The following PCNX2 variants were observed in gnomAD, a reference collection of about 807,000 sequenced individuals.
PCNX2 encodes pecanex 2.
PCNX2 carries 168 observed loss-of-function variants against 223.8 expected under a neutral mutation model. The ratio of observed to expected loss-of-function variants is 0.75; its 90% CI spans 0.66 to 0.85. The LOEUF (loss-of-function observed/expected upper bound fraction) is 0.85, where lower values mean the gene tolerates loss of function less well. Ranked by LOEUF, PCNX2 falls within the 40% of genes least tolerant of loss-of-function variation. PCNX2 has a pLI of 0.00. For missense variants in PCNX2, 2,507 were observed against 2,675.5 expected, an observed-to-expected ratio of 0.94 and a Z score of 1.39; for synonymous variants, 1,006 against 1,052.6, an observed-to-expected ratio of 0.96 and a Z score of 0.86.
intron 26 of PCNX2, among the ~76,000 whole-genome samples, chr1:233,019,620 C>T (rs1480398559): frequency 1.3e-5 from 2 of 152,042 alleles, no homozygotes; most frequent in Non-Finnish European, 2.9e-5. Context: ...TGTGACTTAC[C>T]TACCCAGCAA....
At chr1:233,254,409 CTAAG>C (rs1659615027) in intron 5 of PCNX2, among the ~76,000 whole-genome samples, 2 of 152,204 alleles carry the variant, frequency 1.3e-5, no homozygotes, top group Admixed American at 6.5e-5. Context: ...CTGCTTTACA[CTAAG>C]TGTCTTTGAA....
intron 17 of PCNX2, among the ~76,000 whole-genome samples, chr1:233,161,934 TAAAG>T (rs1678504937): frequency 6.7e-6 from 1 of 149,280 alleles, no homozygotes; most frequent in South Asian, 2.1e-4. Context: ...ACTGGTGAAT[TAAAG>T]AAACCACTTC....
chr1:233,199,292 T>G (rs1321476946), intron 14 of PCNX2, among the ~76,000 whole-genome samples: 1 of 152,114 alleles, frequency 6.6e-6, no homozygotes, highest in Non-Finnish European at 1.5e-5. Flanking sequence ...TGTGTCAGAA[T>G]GAAGGTAGGG....
chr1:233,238,323 G>A (rs1480185831), intron 8 of PCNX2, among the ~76,000 whole-genome samples: 1 of 152,154 alleles, frequency 6.6e-6, no homozygotes, highest in African/African-American at 2.4e-5. Flanking sequence ...TCTTTTGGAT[G>A]TTTCTTTTTC....
rs1287171448 is a variant in PCNX2 at position 233,054,312 on chromosome 1, C to A, written c.4307G>T (p.Gly1436Val). 1.2e-6 allele frequency: 2 copies of A among 1,613,876 alleles called. No individual in the cohort carries two copies. The highest frequency in any genetic ancestry group is 1.7e-6 in the Non-Finnish European group (2 of 1,179,860). The change falls in exon 25 of 34, where the codon GGA becomes GTA. Residue 1436 changes from glycine to valine, a missense_variant. By Grantham distance (109) the Gly-to-Val change is moderately radical (BLOSUM62 -3). Coordinates refer to ENST00000258229, the MANE Select transcript of PCNX2 (RefSeq NM_014801.4). ...AAGTTGAAAGGTGACAAGACCATTTCCAATTTCAATCAGGTGAACAAAGGC... is the reference window on the plus strand; with the variant it reads ...AAGTTGAAAGGTGACAAGACCATTTACAATTTCAATCAGGTGAACAAAGGC... The part of the protein sequence containing the change: ...LNAFVHLIEI[G>V]NGLVTFQLRG...
chr1:233,277,099 A>G (rs1401367883), intron 1 of PCNX2, among the ~76,000 whole-genome samples: 6 of 152,198 alleles, frequency 3.9e-5, no homozygotes, highest in Non-Finnish European at 8.8e-5. Flanking sequence ...CAAAGGATAC[A>G]AATCAGCATT....
chr1:233,290,929 C>T (rs1326226343), intron 1 of PCNX2: 1 of 985,378 alleles, frequency 1.0e-6, no homozygotes, highest in East Asian at 1.1e-4. Flanking sequence ...TAATGTTGCC[C>T]GGCATGGGGT....
intron 23 of PCNX2, among the ~76,000 whole-genome samples, chr1:233,063,889 G>C (rs545401764): frequency 5.5e-4 from 84 of 151,934 alleles, no homozygotes; most frequent in Non-Finnish European, 5.9e-4. Context: ...TAGTTTAGCT[G>C]TGTTTAATTT....
Position 233,258,346 on chromosome 1 carries a change from C to T in PCNX2, c.1516G>A (p.Val506Met). 3 of 1,614,056 alleles carry T rather than the reference C, an allele frequency of 1.9e-6. No homozygotes were observed. The highest frequency in any genetic ancestry group is 2.5e-6 in the Non-Finnish European group (3 of 1,179,904). The change falls in exon 5 of 34, where the codon GTG becomes ATG. Residue 506 changes from valine (V) to methionine (M), a missense_variant. Coordinates refer to ENST00000258229, the MANE Select transcript of PCNX2 (RefSeq NM_014801.4). Reference sequence around the variant, plus strand: ...AGGTTAGTCTGGCCTTCCTTCCCCACCTTAGACTCGGAGCCTGTATCAGGT... The same window carrying T: ...AGGTTAGTCTGGCCTTCCTTCCCCATCTTAGACTCGGAGCCTGTATCAGGT... The part of the protein sequence containing the change: ...LTPDTGSESK[V>M]GKEGQTNLDP...
intron 22 of PCNX2, among the ~76,000 whole-genome samples, chr1:233,091,302 A>T (rs1308388439): frequency 6.6e-6 from 1 of 152,150 alleles, no homozygotes; most frequent in Non-Finnish European, 1.5e-5. Context: ...GGAGGATCTT[A>T]TTTCTGTAAC....
At chr1:233,016,454 A>G (rs936969394) in intron 27 of PCNX2, among the ~76,000 whole-genome samples, 3 of 152,202 alleles carry the variant, frequency 2.0e-5, no homozygotes, top group Admixed American at 2.0e-4. Context: ...CACTTCCAGA[A>G]GTGTTCTCAG....
chr1:233,118,638 C>T (rs1675569482), intron 21 of PCNX2, among the ~76,000 whole-genome samples: 1 of 151,818 alleles, frequency 6.6e-6, no homozygotes, highest in African/African-American at 2.4e-5. Flanking sequence ...AAAAAAGGAT[C>T]ACATAAATTG....
At position 233,218,175 on chromosome 1, in the gene PCNX2, G is replaced by A; in HGVS notation, c.2514C>T (p.Asp838=). ...AAATCGCCAGTACATTCTCCTTGATGTCTTCAGTTCTGTGCAAAATATATA... is the reference window on the plus strand; with the variant it reads ...AAATCGCCAGTACATTCTCCTTGATATCTTCAGTTCTGTGCAAAATATATA... ...TLLALLDRTE[D]IKENVLAILL... Residue 838 remains aspartate (D), a synonymous_variant, in exon 11 of 34, where the codon GAC becomes GAT. Transcript: ENST00000258229. 1 of 1,037,476 alleles carries A rather than the reference G, an allele frequency of 9.6e-7. No homozygotes were observed. The highest frequency in any genetic ancestry group is 1.3e-6 in the Non-Finnish European group (1 of 757,132). 64.3% of individuals were successfully genotyped at this position (1,037,476 alleles called of 1,614,324 possible). A position where few individuals can be genotyped will look rare whatever the true frequency, so the allele number is the denominator to read the frequency against.
the PCNX2 span, among the ~76,000 whole-genome samples, chr1:233,322,997 A>T: frequency 1.3e-5 from 2 of 152,324 alleles, no homozygotes; most frequent in Admixed American, 6.5e-5. Context: ...ATTTCATATC[A>T]TTAATATCCA....
chr1:233,126,591 C>G lies in PCNX2; in HGVS notation c.3837+8422G>C, dbSNP rs907482467. ...ATTCCAAAATACTTACAATAGTTATCCATAGGAAGAGGTTAGGGTTAAGCA... is the reference window on the plus strand; with the variant it reads ...ATTCCAAAATACTTACAATAGTTATGCATAGGAAGAGGTTAGGGTTAAGCA... On this transcript the variant is annotated intron_variant, in intron 21 of 33. Transcript: ENST00000258229. The surrounding 1 kb of genome is among the most constrained non-coding windows in gnomAD (Gnocchi z 4.8). 6.6e-6 allele frequency among the ~76,000 whole-genome samples: 1 copy of G among 151,670 alleles called. No individual in the cohort carries two copies. The highest frequency in any genetic ancestry group is 2.4e-5 in the African/African-American group (1 of 41,226).
At position 233,032,940 on chromosome 1, in the gene PCNX2, A is replaced by G. The variant is rs577117048; in HGVS notation, c.4352-7541T>C. On this transcript the variant is annotated intron_variant, in intron 25 of 33. Transcript: ENST00000258229. ...TATTAAAAAAGAATATGAAAATAAT[A>G]AAACCCAGTAATTTTGGAAAATGCA... The G allele has an allele frequency of 4.7e-5, 45 of 956,098 alleles. No homozygotes were observed. The Admixed American group carries it at 2.5e-3, about 54-fold the overall frequency. 59.2% of individuals were successfully genotyped at this position (956,098 alleles called of 1,614,324 possible). A position where few individuals can be genotyped will look rare whatever the true frequency, so the allele number is the denominator to read the frequency against.
In PCNX2 at chr1:232,998,353, T is replaced by G. The variant is rs1197829706; in HGVS notation, c.5689A>C (p.Asn1897His). ...TGGCTGCCACCACTCGGGGCATTGT[T>G]GCCACCTGTCGTCGGGGCCCCTCCT... ...DGGGAPTTGG[N>H]NAPSGGSQES... Residue 1897 changes from asparagine (N) to histidine (H), a missense_variant, in exon 32 of 34, where the codon AAC (asparagine) becomes CAC (histidine). Physicochemically the swap from Asn to His is moderately conservative, Grantham distance 68. This residue lies in a region of PCNX2 where 1,372 missense variants were observed against 1,509.4 expected (regional missense o/e 0.91). Coordinates refer to ENST00000258229, the MANE Select transcript of PCNX2 (RefSeq NM_014801.4). 2 of 1,613,248 alleles carry G rather than the reference T, an allele frequency of 1.2e-6. No individual in the cohort carries two copies. The highest frequency in any genetic ancestry group is 2.7e-5 in the African/African-American group (2 of 74,934).
In PCNX2 at chr1:233,282,017, A is replaced by G. The variant is rs559919356; in HGVS notation, c.153+13309T>C. ...GTGCCCTTTTTCTGCTCCCTGCTTGAAAGAACTGTCTTCACCTCCCATTGC... is the reference window on the plus strand; with the variant it reads ...GTGCCCTTTTTCTGCTCCCTGCTTGGAAGAACTGTCTTCACCTCCCATTGC... On this transcript the variant is annotated intron_variant, in intron 1 of 33. Transcript: ENST00000258229. Among the ~76,000 whole-genome samples the G allele has an allele frequency of 2.6e-5, 4 of 152,162 alleles. No individual in the cohort carries two copies. The South Asian group carries it at 8.3e-4, about 32-fold the overall frequency.
At chr1:233,035,707 T>C (rs1462351433) in intron 25 of PCNX2, among the ~76,000 whole-genome samples, 1 of 152,238 alleles carries the variant, frequency 6.6e-6, no homozygotes, top group Non-Finnish European at 1.5e-5. Context: ...TTAGAAAATG[T>C]ATTTCCTTCT....
Sources: gnomAD v4.1 joint callset for allele counts (sites outside exome capture counted in the v4.1 genomes callset) on GRCh38, gnomAD v4.1.1 for gene constraint, gnomAD v4.1.1 regional missense constraint, Gnocchi (gnomAD v3.1) non-coding constraint, MANE v1.5 for transcripts, NCBI Gene and HGNC (gene_info 2026-07-23, HGNC 2026-07-21) for gene names.